RAB37: variants seen among roughly 807,000 people sequenced by gnomAD.
RAB37 encodes the protein RAB37, member RAS oncogene family.
A neutral mutation model predicts 33.1 loss-of-function variants in RAB37; 29 were observed. The observed-to-expected ratio is 0.88, with a 90% CI of 0.65 to 1.20. The LOEUF is 1.20. Among genes scored for constraint, RAB37 ranks in the 50% most tolerant of loss-of-function variants. The probability of loss-of-function intolerance (pLI) is 0.00; values close to 1 mark genes in which losing one functional copy is unlikely to be tolerated. For missense variants in RAB37, 299 were observed against 301.1 expected (o/e 0.99, Z 0.05); for synonymous variants, 128 against 119.5 (o/e 1.07, Z -0.47).
At chr17:74,696,998 A>G (rs1302380687) in intron 1 of RAB37, among the ~76,000 whole-genome samples, 2 of 152,044 alleles carry the variant, frequency 1.3e-5, no homozygotes, top group Non-Finnish European at 2.9e-5. Flanking sequence ...CCGGAGGGCA[A>G]TGGCACCATC....
At chr17:74,672,521 A>G (rs2143447221) in intron 1 of RAB37, among the ~76,000 whole-genome samples, 1 of 152,324 alleles carries the variant, frequency 6.6e-6, no homozygotes, top group African/African-American at 2.4e-5. Flanking sequence ...TGAAGAGTCT[A>G]TGAATGCAAG....
intron 1 of RAB37, among the ~76,000 whole-genome samples, chr17:74,678,719 G>A (rs543300677): frequency 6.6e-6 from 1 of 151,842 alleles, no homozygotes; most frequent in Admixed American, 6.6e-5. Context: ...GCCTGCACAT[G>A]CACACATACG....
At chr17:74,692,155 C>T (rs1485326496) in intron 1 of RAB37, among the ~76,000 whole-genome samples, 2 of 152,112 alleles carry the variant, frequency 1.3e-5, no homozygotes, top group Non-Finnish European at 2.9e-5. Flanking sequence ...CATGAGCCAC[C>T]GCACCCGGCC....
intron 1 of RAB37, among the ~76,000 whole-genome samples, chr17:74,678,677 A>G (rs1004184759): frequency 8.9e-5 from 13 of 145,746 alleles, no homozygotes; most frequent in African/African-American, 3.6e-4. Flanking sequence ...ACACACAGAC[A>G]CACAGACACA....
At chr17:74,683,424 G>T (rs1030507538) in intron 1 of RAB37, among the ~76,000 whole-genome samples, 2 of 152,220 alleles carry the variant, frequency 1.3e-5, no homozygotes, top group Admixed American at 6.5e-5. Flanking sequence ...TTTTTCCATT[G>T]CTGTGTAGGG....
At chr17:74,706,477 G>A (rs1259291792) in intron 1 of RAB37, among the ~76,000 whole-genome samples, 1 of 151,584 alleles carries the variant, frequency 6.6e-6, no homozygotes, top group South Asian at 2.1e-4. Context: ...AGATCAGCCT[G>A]ACCAACATGG....
Position 74,729,425 on chromosome 17 carries a change from T to C in RAB37, c.183+59T>C. ...TGGGCTCAGGACCCCAGCGTGTTTCTGTTGAGTGCCAGCAGGAAACAGGTG... is the reference window on the plus strand; with the variant it reads ...TGGGCTCAGGACCCCAGCGTGTTTCCGTTGAGTGCCAGCAGGAAACAGGTG... On this transcript the variant is annotated intron_variant, in intron 2 of 7. Coordinates refer to the RAB37 transcript ENST00000340415. The surrounding 1 kb of genome is among the most constrained non-coding windows in gnomAD (Gnocchi z 4.2). 3 of 1,178,710 alleles carry C rather than the reference T, an allele frequency of 2.5e-6. No individual in the cohort carries two copies. Among genetic ancestry groups the C allele is most frequent in the Non-Finnish European group, 3.8e-6 (3 of 782,598 alleles). 73.0% of individuals were successfully genotyped at this position (1,178,710 alleles called of 1,614,324 possible). A position where few individuals can be genotyped will look rare whatever the true frequency, so the allele number is the denominator to read the frequency against.
rs1192780290 is a variant in RAB37 at position 74,742,188 on chromosome 17, G to A, written c.205-66G>A. The stretch of plus-strand genomic sequence containing the variant: ...TAGGCCTGGAGAGGGAACAAGACAG[G>A]ACGTCTGCAGAGCTGAGGAGCCACA... On this transcript the variant is annotated intron_variant, in intron 2 of 8. Transcript: ENST00000392613. The surrounding 1 kb of genome is among the most constrained non-coding windows in gnomAD (Gnocchi z 4.0). 1 of 1,587,144 alleles carries A rather than the reference G, an allele frequency of 6.3e-7. No individual in the cohort carries two copies. The highest frequency in any genetic ancestry group is 1.1e-5 in the South Asian group (1 of 87,346).
chr17:74,717,745 G>A (rs776928207), intron 1 of RAB37, among the ~76,000 whole-genome samples: 1 of 150,752 alleles, frequency 6.6e-6, no homozygotes, highest in African/African-American at 2.4e-5. Flanking sequence ...GGAGGCAGAG[G>A]TTGTGGTGAG....
chr17:74,734,391 A>G (rs745935269), upstream of RAB37, among the ~76,000 whole-genome samples: 8 of 152,208 alleles, frequency 5.3e-5, no homozygotes, highest in Non-Finnish European at 1.0e-4. Context: ...CACATTTCCA[A>G]GTAAGGGCAT....
intron 1 of RAB37, among the ~76,000 whole-genome samples, chr17:74,711,085 A>G (rs2033927156): frequency 6.6e-6 from 1 of 152,048 alleles, no homozygotes; most frequent in South Asian, 2.1e-4. Flanking sequence ...AAACTTCCGG[A>G]TGGGTATTTT....
chr17:74,689,429 C>A (rs1258661683), intron 1 of RAB37, among the ~76,000 whole-genome samples: 4 of 150,156 alleles, frequency 2.7e-5, no homozygotes, highest in Non-Finnish European at 4.4e-5. Flanking sequence ...GGTGACAGAG[C>A]AAGACTCTGT....
chr17:74,715,882 T>C (rs2034159022), intron 1 of RAB37, among the ~76,000 whole-genome samples: 1 of 151,890 alleles, frequency 6.6e-6, no homozygotes, highest in African/African-American at 2.4e-5. Flanking sequence ...TACAAAAAAT[T>C]AGCCGGGCAT....
At chr17:74,705,742 A>G (rs2033452788) in intron 1 of RAB37, among the ~76,000 whole-genome samples, 1 of 152,054 alleles carries the variant, frequency 6.6e-6, no homozygotes, top group African/African-American at 2.4e-5. Flanking sequence ...CTACAGGCAC[A>G]TGCCTCCACG....
At chr17:74,713,374 A>G (rs1407203751) in intron 1 of RAB37, among the ~76,000 whole-genome samples, 2 of 151,888 alleles carry the variant, frequency 1.3e-5, no homozygotes, top group Non-Finnish European at 2.9e-5. Flanking sequence ...GGCAGTTGAC[A>G]ATGCAAGGGG....
At chr17:74,707,241 A>G (rs1224504796) in intron 1 of RAB37, among the ~76,000 whole-genome samples, 1 of 152,228 alleles carries the variant, frequency 6.6e-6, no homozygotes, top group Non-Finnish European at 1.5e-5. Flanking sequence ...TAAATCTGAC[A>G]AAGAGCTGAT....
intron 2 of RAB37, among the ~76,000 whole-genome samples, chr17:74,741,735 T>A (rs896685960): frequency 2.0e-5 from 3 of 152,044 alleles, no homozygotes; most frequent in Non-Finnish European, 4.4e-5. Flanking sequence ...AGAGAAAAGG[T>A]CTCACCCTGG....
At chr17:74,687,762 C>G (rs936201166) in intron 1 of RAB37, among the ~76,000 whole-genome samples, 1 of 152,142 alleles carries the variant, frequency 6.6e-6, no homozygotes, top group African/African-American at 2.4e-5. Flanking sequence ...ACTACACCAG[C>G]GGAGATGTGA....
chr17:74,732,406 G>A (rs2034396164), upstream of RAB37, among the ~76,000 whole-genome samples: 1 of 152,178 alleles, frequency 6.6e-6, no homozygotes, highest in Non-Finnish European at 1.5e-5. Flanking sequence ...CCCCAGCTCT[G>A]AAGTTTTCTG....
Sources: allele counts gnomAD v4.1 joint callset (sites outside exome capture counted in the v4.1 genomes callset), GRCh38; gene constraint gnomAD v4.1.1; non-coding constraint Gnocchi (gnomAD v3.1); transcripts MANE v1.5; gene names NCBI Gene and HGNC (gene_info 2026-07-23, HGNC 2026-07-21).